The following CCND3 variants were observed in gnomAD, a reference collection of about 807,000 sequenced individuals.
CCND3 encodes cyclin D3, also known as G1/S-specific cyclin-D3.
Under a neutral mutation model 28.7 loss-of-function variants are expected in CCND3, and 9 were observed. The ratio of observed to expected loss-of-function variants is 0.31; its 90% CI spans 0.19 to 0.55. The LOEUF is 0.55. Ranked by LOEUF, CCND3 falls within the 20% of genes least tolerant of loss-of-function variation. The pLI is 0.93. For synonymous variants in CCND3, 164 were observed against 163.9 expected (o/e 1.00, Z 0.00); for missense variants, 315 against 385.8 (o/e 0.82, Z 1.54).
chr6:42,030,021 T>G (rs1271899994), intron 1 of CCND3: 1 of 152,164 alleles, frequency 6.6e-6, no homozygotes, highest in African/African-American at 2.4e-5. Flanking sequence ...ATCTGCCCTG[T>G]GGGTCCAATC....
chr6:41,966,366 G>C (rs72853818), intron 1 of CCND3, among the ~76,000 whole-genome samples: 24,528 of 151,932 alleles, frequency 0.16, 2,533 homozygotes, highest in Middle Eastern at 0.32. Flanking sequence ...GCTGCAATGA[G>C]CCATAATTGC....
intron 1 of CCND3, among the ~76,000 whole-genome samples, chr6:42,022,654 G>T (rs1483789061): frequency 6.6e-6 from 1 of 152,216 alleles, no homozygotes; most frequent in East Asian, 1.9e-4. Context: ...GCAGCACTTG[G>T]CCTGGAGCAG....
At chr6:42,037,709 G>A (rs1764260085) in intron 1 of CCND3, among the ~76,000 whole-genome samples, 1 of 151,908 alleles carries the variant, frequency 6.6e-6, no homozygotes, top group Admixed American at 6.6e-5. Context: ...TGCCATGTCG[G>A]GTGCACCGAT....
rs1775805641 is a variant in CCND3 at position 41,936,608 on chromosome 6, GA to G, written c.661del (p.Ser221ProfsTer83). 1 of 1,614,068 alleles carries G rather than the reference GA, an allele frequency of 6.2e-7. No homozygotes were observed. Among genetic ancestry groups the G allele is most frequent in the African/African-American group, 1.3e-5 (1 of 74,930 alleles). On this transcript the variant is annotated frameshift_variant, in exon 4 of 5. Transcript: ENST00000372991. LOFTEE classifies it high-confidence loss of function. This position sits in a 1 kb window ranked among gnomAD's most constrained non-coding sequence, Gnocchi z 4.4. ...AVQGLGACSM[S>X]GDELTELLAG... ...CAGCAGCTCTGTGAGCTCATCCCCGGACATGGAGCAGGCACCCAGGCCTTGC... is the reference window on the plus strand; with the variant it reads ...CAGCAGCTCTGTGAGCTCATCCCCGGCATGGAGCAGGCACCCAGGCCTTGC...
chr6:41,991,162 G>A (rs915210723), intron 1 of CCND3, among the ~76,000 whole-genome samples: 3 of 151,896 alleles, frequency 2.0e-5, no homozygotes, highest in East Asian at 1.9e-4. Context: ...GGGTTCAAGC[G>A]ATTCTTCTGC....
intron 1 of CCND3, among the ~76,000 whole-genome samples, chr6:42,042,534 C>G (rs148621001): frequency 1.3e-5 from 2 of 151,998 alleles, no homozygotes; most frequent in Admixed American, 1.3e-4. Flanking sequence ...CTAATTTTGT[C>G]TTTTTAGTAG....
At chr6:42,008,422 A>C (rs1235638104) in intron 1 of CCND3, among the ~76,000 whole-genome samples, 1 of 152,186 alleles carries the variant, frequency 6.6e-6, no homozygotes, top group Non-Finnish European at 1.5e-5. Context: ...AAATTCAAAC[A>C]GTCCAGAGTG....
intron 1 of CCND3, among the ~76,000 whole-genome samples, chr6:41,993,504 T>C (rs1331695868): frequency 2.7e-5 from 4 of 147,998 alleles, no homozygotes; most frequent in Non-Finnish European, 5.9e-5. Flanking sequence ...CTCTGCCTCC[T>C]GGGTTCAAGC....
rs189555273 is a variant in CCND3 at position 42,011,721 on chromosome 6, A to G, written c.-46+36780T>C. 2.0e-4 allele frequency among the ~76,000 whole-genome samples: 30 copies of G among 152,312 alleles called. No individual in the cohort carries two copies. The East Asian group carries it at 5.4e-3, about 27-fold the overall frequency. On this transcript the variant is annotated intron_variant, in intron 1 of 4. Coordinates refer to the CCND3 transcript ENST00000372988. ...CTGAGCCCTCCACCTGCAAATGCATACAGCCATGAACAGATGGGTGTAAAC... is the reference window on the plus strand; with the variant it reads ...CTGAGCCCTCCACCTGCAAATGCATGCAGCCATGAACAGATGGGTGTAAAC...
chr6:41,940,745 C>T (rs1235811278), intron 1 of CCND3, 160 bp from the exon 2 acceptor site: 4 of 747,560 alleles, frequency 5.4e-6, no homozygotes, highest in Admixed American at 2.1e-5. Context: ...ATGCGCCCTC[C>T]CCAAGGTGAC....
chr6:42,040,404 C>G (rs531926092), intron 1 of CCND3, among the ~76,000 whole-genome samples: 1 of 151,894 alleles, frequency 6.6e-6, no homozygotes, highest in East Asian at 2.0e-4. Flanking sequence ...GGCAACAGAG[C>G]GAGACTCTGT....
At chr6:42,013,096 T>G (rs1014509383) in intron 1 of CCND3, among the ~76,000 whole-genome samples, 1 of 152,320 alleles carries the variant, frequency 6.6e-6, no homozygotes, top group African/African-American at 2.4e-5. Context: ...CTAATGATCT[T>G]AGTCATCCTT....
Position 41,977,009 on chromosome 6 carries a change from T to C in CCND3, c.-45-36424A>G, listed in dbSNP as rs1396274912. Among the ~76,000 whole-genome samples, 3 of 152,332 alleles carry C rather than the reference T, an allele frequency of 2.0e-5. No homozygotes were observed. The South Asian group carries it at 6.2e-4, about 32-fold the overall frequency. On this transcript the variant is annotated intron_variant, in intron 1 of 4. Transcript: ENST00000372988. Reference sequence around the variant, plus strand: ...AACAGTTGTAGCAGCAGAGCTGTGCTGATCCGCCTACATCTTTTACCCACT... The same window carrying C: ...AACAGTTGTAGCAGCAGAGCTGTGCCGATCCGCCTACATCTTTTACCCACT...
intron 1 of CCND3, among the ~76,000 whole-genome samples, chr6:41,961,380 A>G (rs1421568524): frequency 6.6e-6 from 1 of 152,090 alleles, no homozygotes. Flanking sequence ...CAGCCTGGCC[A>G]TCATGGTGAA....
intron 1 of CCND3, among the ~76,000 whole-genome samples, chr6:41,952,721 G>A (rs1163780570): frequency 1.3e-5 from 2 of 152,210 alleles, no homozygotes; most frequent in East Asian, 3.8e-4. Context: ...CAGTGGCAGA[G>A]CTGGGACTCC....
chr6:42,027,091 C>A lies in CCND3; in HGVS notation c.-46+21410G>T, dbSNP rs146523954. On this transcript the variant is annotated intron_variant, in intron 1 of 4. Transcript: ENST00000372988. ...GCCTTGTCCTCATCCATGTCTCCAG[C>A]CCTTCACCTCCATCAGGTCAGCTTC... 5.9e-4 allele frequency among the ~76,000 whole-genome samples: 90 copies of A among 152,298 alleles called. 1 individual carries two copies. Among genetic ancestry groups the A allele is most frequent in the African/African-American group, 2.1e-3 (87 of 41,564 alleles).
intron 1 of CCND3, among the ~76,000 whole-genome samples, chr6:42,028,299 AAGAGAGAGGC>A (rs1035904185): frequency 6.6e-6 from 1 of 152,062 alleles, no homozygotes; most frequent in African/African-American, 2.4e-5. Context: ...CATAAAGAGG[AAGAGAGAGGC>A]AGAGCTGGAG....
chr6:41,994,132 A>G (rs1209588846), intron 1 of CCND3, among the ~76,000 whole-genome samples: 1 of 151,036 alleles, frequency 6.6e-6, no homozygotes, highest in Non-Finnish European at 1.5e-5. Context: ...TGAGGTTATA[A>G]TATCTTATTG....
chr6:42,033,513 T>C (rs1027378132), intron 1 of CCND3, among the ~76,000 whole-genome samples: 2 of 147,698 alleles, frequency 1.4e-5, no homozygotes, highest in Non-Finnish European at 3.0e-5. Flanking sequence ...CACGCACACA[T>C]AGATGTGTGT....
Sources: gnomAD v4.1 joint callset for allele counts (sites outside exome capture counted in the v4.1 genomes callset) on GRCh38, gnomAD v4.1.1 for gene constraint, Gnocchi (gnomAD v3.1) non-coding constraint, MANE v1.5 for transcripts, NCBI Gene and HGNC (gene_info 2026-07-23, HGNC 2026-07-21) for gene names.